Variants in RNF13 observed in about 807,000 individuals in gnomAD.
RNF13 encodes the protein ring finger protein 13, also known as E3 ubiquitin-protein ligase RNF13.
RNF13 carries 19 observed loss-of-function variants against 37.7 expected under a neutral mutation model. That is an observed-to-expected ratio of 0.50 (90% CI 0.35 to 0.74). The LOEUF (loss-of-function observed/expected upper bound fraction) is 0.74, where lower values mean the gene tolerates loss of function less well. Among genes scored for constraint, RNF13 ranks in the 30% least tolerant of loss-of-function variants. RNF13 has a pLI of 0.01. For missense variants in RNF13, 375 were observed against 453.0 expected (o/e 0.83, Z 1.56); for synonymous variants, 144 against 157.8 (o/e 0.91, Z 0.65).
At chr3:149,876,771 C>CTTTTTTTT (rs768071913) in intron 4 of RNF13, among the ~76,000 whole-genome samples, 33 of 82,498 alleles carry the variant, frequency 4.0e-4, no homozygotes, top group African/African-American at 4.5e-4. Context: ...GTCATCATAT[C>CTTTTTTTT]TTTTTTTTTT....
chr3:149,866,568 A>G (rs1167414460), intron 3 of RNF13, among the ~76,000 whole-genome samples: 2 of 152,172 alleles, frequency 1.3e-5, no homozygotes, highest in African/African-American at 4.8e-5. Context: ...GTGACTTAGA[A>G]TGCTTTAACC....
At chr3:149,916,139 A>C (rs147024194) in intron 7 of RNF13, among the ~76,000 whole-genome samples, 1 of 151,976 alleles carries the variant, frequency 6.6e-6, no homozygotes, top group East Asian at 1.9e-4. Flanking sequence ...ATTTTTGTAG[A>C]GGATGCCTAT....
At chr3:149,843,922 G>A (rs1431965666) in intron 1 of RNF13, among the ~76,000 whole-genome samples, 1 of 152,218 alleles carries the variant, frequency 6.6e-6, no homozygotes, top group Non-Finnish European at 1.5e-5. Flanking sequence ...CTGGCACTTA[G>A]TAAGAGATCA....
intron 4 of RNF13, among the ~76,000 whole-genome samples, chr3:149,872,567 A>G (rs1712200016): frequency 6.6e-6 from 1 of 152,176 alleles, no homozygotes; most frequent in African/African-American, 2.4e-5. Flanking sequence ...TCAGATAGTA[A>G]AACAAGGTTT....
chr3:149,820,415 G>A (rs1050602500), intron 1 of RNF13, among the ~76,000 whole-genome samples: 1 of 151,974 alleles, frequency 6.6e-6, no homozygotes, highest in East Asian at 1.9e-4. Context: ...AATTTCCACC[G>A]GGAAATAATC....
intron 3 of RNF13, among the ~76,000 whole-genome samples, chr3:149,867,043 T>C (rs758710353): frequency 6.6e-6 from 1 of 152,164 alleles, no homozygotes; most frequent in Non-Finnish European, 1.5e-5. Flanking sequence ...TTTTCGGTTA[T>C]TGATTCTTTG....
At chr3:149,942,102 T>C (rs1162734769) in intron 8 of RNF13, among the ~76,000 whole-genome samples, 1 of 152,080 alleles carries the variant, frequency 6.6e-6, no homozygotes, top group Non-Finnish European at 1.5e-5. Flanking sequence ...CCATACCATC[T>C]TAATTACTGT....
At chr3:149,957,114 A>C (rs1721941086) in intron 8 of RNF13, among the ~76,000 whole-genome samples, 1 of 152,196 alleles carries the variant, frequency 6.6e-6, no homozygotes, top group African/African-American at 2.4e-5. Context: ...TAAATCATAA[A>C]AATAGATAAA....
chr3:149,877,667 T>G (rs1035661950), intron 4 of RNF13, among the ~76,000 whole-genome samples: 1 of 152,060 alleles, frequency 6.6e-6, no homozygotes, highest in Admixed American at 6.5e-5. Flanking sequence ...AAGTAGAAAT[T>G]AAACTCTGCA....
chr3:149,829,449 T>C (rs1278478325), intron 1 of RNF13, among the ~76,000 whole-genome samples: 1 of 152,198 alleles, frequency 6.6e-6, no homozygotes, highest in African/African-American at 2.4e-5. Context: ...ATTGATCATT[T>C]TGTTTCATTT....
At chr3:149,959,497 C>G (rs530570562) in intron 8 of RNF13, among the ~76,000 whole-genome samples, 2 of 152,312 alleles carry the variant, frequency 1.3e-5, no homozygotes, top group African/African-American at 4.8e-5. Flanking sequence ...ATGTGCCTGG[C>G]CCTTTGCTCA....
intron 3 of RNF13, among the ~76,000 whole-genome samples, chr3:149,859,243 A>G (rs1370883660): frequency 1.3e-5 from 2 of 152,250 alleles, no homozygotes; most frequent in Non-Finnish European, 2.9e-5. Context: ...TAAAGAGTCA[A>G]ACCATCTGGT....
chr3:149,882,350 T>C (rs1481494313), intron 4 of RNF13, among the ~76,000 whole-genome samples: 5 of 152,320 alleles, frequency 3.3e-5, no homozygotes, highest in Non-Finnish European at 7.3e-5. Context: ...TTTTGACTTA[T>C]ATATTGCTGG....
Position 149,823,033 on chromosome 3 carries a change from G to A in RNF13, c.-17+9680G>A, listed in dbSNP as rs182633477. On this transcript the variant is annotated intron_variant, in intron 1 of 9. Transcript: ENST00000392894. ...AGTAATTAAAGAAATGCAAATTTAT[G>A]CAATACTTGGATGATTTGGGAAGGG... Among the ~76,000 whole-genome samples, 8 of 152,206 alleles carry A rather than the reference G, an allele frequency of 5.3e-5. No individual in the cohort carries two copies. In the East Asian group the frequency reaches 1.5e-3, roughly 29 times the overall value.
chr3:149,894,244 AG>A (rs1404528042), intron 4 of RNF13, among the ~76,000 whole-genome samples: 1 of 152,158 alleles, frequency 6.6e-6, no homozygotes, highest in Non-Finnish European at 1.5e-5. Context: ...TTGGTGGGAT[AG>A]TTTTAGAGAA....
intron 1 of RNF13, among the ~76,000 whole-genome samples, chr3:149,831,257 G>A (rs1276297042): frequency 2.1e-4 from 32 of 152,244 alleles, no homozygotes; most frequent in African/African-American, 7.7e-4. Flanking sequence ...ATCCACCAAT[G>A]GCTTGCACCA....
intron 4 of RNF13, among the ~76,000 whole-genome samples, chr3:149,890,910 C>A (rs936787183): frequency 8.5e-5 from 13 of 152,194 alleles, no homozygotes; most frequent in African/African-American, 3.1e-4. Context: ...AAGTTTCTAT[C>A]AGCTCTTCAC....
intron 2 of RNF13, among the ~76,000 whole-genome samples, chr3:149,849,560 G>A (rs900632521): frequency 8.5e-5 from 13 of 152,170 alleles, no homozygotes; most frequent in African/African-American, 3.1e-4. Flanking sequence ...AGTTAACTTT[G>A]TAAAAGTGAG....
At chr3:149,941,540 T>TG (rs200127324) in intron 8 of RNF13, among the ~76,000 whole-genome samples, 113 of 149,160 alleles carry the variant, frequency 7.6e-4, no homozygotes, top group East Asian at 2.5e-3. Context: ...GTTTTTTTTT[T>TG]TTTTTTTTTT....
Sources: allele counts gnomAD v4.1 joint callset (sites outside exome capture counted in the v4.1 genomes callset), GRCh38; gene constraint gnomAD v4.1.1; transcripts MANE v1.5; gene names NCBI Gene and HGNC (gene_info 2026-07-23, HGNC 2026-07-21).